POLR3A: variants seen among roughly 807,000 people sequenced by gnomAD.
POLR3A encodes RNA polymerase III subunit A.
Under a neutral mutation model 152.8 loss-of-function variants are expected in POLR3A, and 112 were observed. The ratio of observed to expected loss-of-function variants is 0.73; its 90% confidence interval spans 0.63 to 0.86. POLR3A has a LOEUF of 0.86. Among genes scored for constraint, POLR3A ranks in the 40% least tolerant of loss-of-function variants. The pLI is 0.00. For synonymous variants in POLR3A, 615 were observed against 652.1 expected, an observed-to-expected ratio of 0.94 and a Z score of 0.87; for missense variants, 1,385 against 1,743.1, an observed-to-expected ratio of 0.79 and a Z score of 3.66.
At chr10:78,017,894 G>A (rs1847540160) in intron 9 of POLR3A, among the ~76,000 whole-genome samples, 178 bp from the exon 10 acceptor site, 1 of 152,052 alleles carries the variant, frequency 6.6e-6, no homozygotes, top group Non-Finnish European at 1.5e-5. Context: ...CTATGACAGG[G>A]TGGGCGAGGT....
intron 8 of POLR3A, 49 bp downstream of exon 8, chr10:78,021,497 A>G (rs748019897): frequency 2.5e-6 from 4 of 1,604,322 alleles, no homozygotes; most frequent in Non-Finnish European, 3.4e-6. Flanking sequence ...AATATAACGT[A>G]AAAGACTGAA....
At position 78,022,345 on chromosome 10, in the gene POLR3A, G is replaced by C; in HGVS notation, c.685C>G (p.Arg229Gly). 1 of 1,613,888 alleles carries C rather than the reference G, an allele frequency of 6.2e-7. No homozygotes were observed. The highest frequency in any genetic ancestry group is 8.5e-7 in the Non-Finnish European group (1 of 1,179,874). The change falls in exon 6 of 31, where the codon CGA (arginine) becomes GGA (glycine). Residue 229 changes from arginine (R) to glycine (G), a missense_variant. Coordinates refer to ENST00000372371, the MANE Select transcript of POLR3A (RefSeq NM_007055.4). Reference protein sequence around the residue: ...NPLVVLNLFKRIPAEDVPLLL... With the variant: ...NPLVVLNLFKGIPAEDVPLLL... ...AGAGGAACATCTTCAGCTGGGATTC[G>C]TTTAAATAAATTCAGAACTACTAAG...
chr10:77,999,387 AACACAAGAAG>A (rs1847333150), intron 19 of POLR3A, among the ~76,000 whole-genome samples: 1 of 152,188 alleles, frequency 6.6e-6, no homozygotes, highest in Non-Finnish European at 1.5e-5. Flanking sequence ...CTTATGGAAG[AACACAAGAAG>A]ACGTATTTTT....
intron 20 of POLR3A, among the ~76,000 whole-genome samples, chr10:77,992,429 T>A (rs1021568623): frequency 6.9e-6 from 1 of 144,812 alleles, no homozygotes; most frequent in Admixed American, 7.2e-5. Flanking sequence ...CCATCATCCC[T>A]GGCTAATTCT....
chr10:78,007,781 G>C lies in POLR3A; in HGVS notation c.1995C>G (p.Tyr665Ter). The change falls in exon 15 of 31, where the codon TAC becomes TAG. Residue 665 changes from tyrosine to a stop codon, truncating the protein, a stop_gained. Transcript: ENST00000372371. LOFTEE classifies it high-confidence loss of function. ...LGSGSKNNIF[Y>*]ILLRDWGQNE... is the part of the protein sequence containing the mutation. ...TCTGTCCCCAGTCTCGCAGCAAAATGTAAAAAATATTGTTCTTGGATCCTG... is the reference window on the plus strand; with the variant it reads ...TCTGTCCCCAGTCTCGCAGCAAAATCTAAAAAATATTGTTCTTGGATCCTG... 1 of 1,614,032 alleles carries C rather than the reference G, an allele frequency of 6.2e-7. No homozygotes were observed. Among genetic ancestry groups the C allele is most frequent in the Non-Finnish European group, 8.5e-7 (1 of 1,179,876 alleles).
intron 30 of POLR3A, among the ~76,000 whole-genome samples, chr10:77,979,668 C>T (rs2131925024): frequency 6.6e-6 from 1 of 152,304 alleles, no homozygotes; most frequent in South Asian, 2.1e-4. Flanking sequence ...TATCCACACC[C>T]CACGGGTGGG....
Position 78,022,995 on chromosome 10 carries a change from T to C in POLR3A, c.646-611A>G, listed in dbSNP as rs1343582306. ...AAACATGGCGAAACCTCGTCTCTAC[T>C]AAAAATACAAAAATTAGCTGGGCAT... is the stretch of plus-strand genomic sequence containing the variant. On this transcript the variant is annotated intron_variant, in intron 5 of 30. Transcript: ENST00000372371. Among the ~76,000 whole-genome samples the C allele has an allele frequency of 2.0e-5, 3 of 150,594 alleles. No homozygotes were observed. In the East Asian group the frequency reaches 5.9e-4, roughly 30 times the overall value.
At position 77,977,130 on chromosome 10, in the gene POLR3A, C is replaced by T. The variant is rs553839333; in HGVS notation, c.*348G>A. ...CAGGTGTGAAGACACCATGGGGAGC[C>T]GATGGATGTATGCAGTGAGCTGGGA... On this transcript the variant is annotated 3_prime_UTR_variant, in exon 31 of 31. Coordinates refer to ENST00000372371, the MANE Select transcript of POLR3A (RefSeq NM_007055.4). 4.1e-5 allele frequency: 14 copies of T among 339,898 alleles called. No homozygotes were observed. The highest frequency in any genetic ancestry group is 9.9e-4 in the Middle Eastern group (1 of 1,014). 21.1% of individuals were successfully genotyped at this position (339,898 alleles called of 1,614,324 possible).
At chr10:77,982,043 A>AAC in intron 28 of POLR3A, 111 bp downstream of exon 28, 4 of 490,042 alleles carry the variant, frequency 8.2e-6, no homozygotes, top group Non-Finnish European at 1.3e-5. Context: ...CATCTCAAAA[A>AAC]AAAAAAAAAA....
At chr10:78,006,184 G>A (rs1045354852) in intron 15 of POLR3A, among the ~76,000 whole-genome samples, 2 of 151,886 alleles carry the variant, frequency 1.3e-5, no homozygotes, top group Non-Finnish European at 2.9e-5. Flanking sequence ...ATCACTTGAG[G>A]TCAGGAGTTC....
intron 29 of POLR3A, 95 bp downstream of exon 29, chr10:77,981,333 G>A: frequency 2.6e-6 from 3 of 1,174,500 alleles, no homozygotes; most frequent in Non-Finnish European, 3.8e-6. Context: ...CCTCACAGCA[G>A]CGTATTCTAC....
chr10:77,991,219 C>T (rs762504373), intron 20 of POLR3A, 52 bp from the exon 21 acceptor site: 11 of 1,013,500 alleles, frequency 1.1e-5, no homozygotes, highest in East Asian at 4.7e-5. Context: ...AGAGAGCAGG[C>T]GGTAGTAGAT....
intron 5 of POLR3A, among the ~76,000 whole-genome samples, chr10:78,022,810 A>G (rs1444965794): frequency 2.0e-5 from 3 of 152,018 alleles, no homozygotes; most frequent in East Asian, 3.9e-4. Context: ...CATTGGGGGG[A>G]AAAAAAGATA....
chr10:77,999,789 G>C (rs953664924), intron 19 of POLR3A, among the ~76,000 whole-genome samples, 192 bp downstream of exon 19: 8 of 152,088 alleles, frequency 5.3e-5, no homozygotes, highest in Non-Finnish European at 1.0e-4. Context: ...ATCATCATAG[G>C]ATGATTCGGA....
intron 14 of POLR3A, 67 bp downstream of exon 14, chr10:78,009,470 C>G (rs1377289892): frequency 6.2e-7 from 1 of 1,608,192 alleles, no homozygotes; most frequent in Non-Finnish European, 8.5e-7. Flanking sequence ...ACCAGCAAAG[C>G]TGATGACCAG....
At chr10:78,003,712 CAGG>C (rs1248307108) in intron 16 of POLR3A, among the ~76,000 whole-genome samples, 4 of 151,948 alleles carry the variant, frequency 2.6e-5, no homozygotes, top group African/African-American at 9.7e-5. Context: ...CACCTGAGGT[CAGG>C]AGTTCGAGAC....
chr10:78,004,617 T>C (rs1323192699), intron 16 of POLR3A, 99 bp downstream of exon 16: 4 of 978,480 alleles, frequency 4.1e-6, no homozygotes, highest in Middle Eastern at 3.0e-4. Context: ...TGCCCACTCC[T>C]TTGCTACCTC....
intron 14 of POLR3A, 149 bp from the exon 15 acceptor site, chr10:78,008,015 GAGGGA>G: frequency 6.8e-5 from 23 of 340,614 alleles, no homozygotes; most frequent in East Asian, 2.3e-4. Flanking sequence ...TTTTTGGGGG[GAGGGA>G]GGGGGGGTTA....
intron 15 of POLR3A, among the ~76,000 whole-genome samples, chr10:78,006,510 A>C (rs1847414080): frequency 6.6e-6 from 1 of 152,000 alleles, no homozygotes; most frequent in African/African-American, 2.4e-5. Flanking sequence ...AAAAATCAAC[A>C]GAAGTATTAA....
Sources: allele counts gnomAD v4.1 joint callset (sites outside exome capture counted in the v4.1 genomes callset), GRCh38; gene constraint gnomAD v4.1.1; transcripts MANE v1.5; gene names NCBI Gene and HGNC (gene_info 2026-07-23, HGNC 2026-07-21).